Variants in SYT5 observed in about 807,000 individuals in gnomAD.
SYT5 encodes the protein synaptotagmin 5, also known as synaptotagmin-5.
Under a neutral mutation model 36.0 loss-of-function variants are expected in SYT5, and 29 were observed. The observed-to-expected ratio is 0.81, with a 90% CI of 0.60 to 1.10. The LOEUF (loss-of-function observed/expected upper bound fraction) is 1.10, where lower values mean the gene tolerates loss of function less well. SYT5 is among the 50% of genes least tolerant of loss of function. The pLI is 0.00. For missense variants in SYT5, 512 were observed against 516.0 expected (o/e 0.99, Z 0.08); for synonymous variants, 231 against 227.6 (o/e 1.02, Z -0.14).
chr19:55,174,401 C>T (rs2086046264), intron 8 of SYT5, 116 bp downstream of exon 8: 2 of 1,373,420 alleles, frequency 1.5e-6, no homozygotes, highest in Non-Finnish European at 2.0e-6. Context: ...AGACTGAGAG[C>T]ATAACCTCAG....
chr19:55,173,306 G>C lies in SYT5; in HGVS notation c.*178C>G. ...CGGGGGAGTGTGCTGGAAAGTTGTC[G>C]TGATTGGCATCGTTGGGGGTGAGAA... On this transcript the variant is annotated 3_prime_UTR_variant, in exon 9 of 9. Transcript: ENST00000354308. The surrounding 1 kb of genome is among the most constrained non-coding windows in gnomAD (Gnocchi z 5.4). 2.1e-6 allele frequency: 1 copy of C among 486,132 alleles called. No homozygotes were observed. The highest frequency in any genetic ancestry group is 3.3e-6 in the Non-Finnish European group (1 of 302,678). The allele number at this position is 486,132 out of a possible 1,614,324, so 30.1% of individuals were successfully genotyped here.
chr19:55,176,115 CTGGCTG>C lies in SYT5; in HGVS notation c.256_261del (p.Gln86_Pro87del). On this transcript the variant is annotated inframe_deletion, in exon 4 of 9. Coordinates refer to ENST00000354308, the MANE Select transcript of SYT5 (RefSeq NM_003180.3). ...GGTGCTGGCTCCAGCTCCTCTACTT[CTGGCTG>C]CACCTTAAGGAGCCAGGGGTAAGGG... 6.2e-7 allele frequency: 1 copy of C among 1,614,160 alleles called. No individual in the cohort carries two copies. The highest frequency in any genetic ancestry group is 8.5e-7 in the Non-Finnish European group (1 of 1,180,044).
Position 55,172,471 on chromosome 19 carries a change from A to G in SYT5, c.*1013T>C, listed in dbSNP as rs1276314994. 1 of 151,928 alleles carries G rather than the reference A, an allele frequency of 6.6e-6. No individual in the cohort carries two copies. The highest frequency in any genetic ancestry group is 1.5e-5 in the Non-Finnish European group (1 of 67,986). The allele number at this position is 151,928 out of a possible 1,614,324, so 9.4% of individuals were successfully genotyped here. A position where few individuals can be genotyped will look rare whatever the true frequency, so the allele number is the denominator to read the frequency against. On this transcript the variant is annotated 3_prime_UTR_variant, in exon 9 of 9. Coordinates refer to ENST00000354308, the MANE Select transcript of SYT5 (RefSeq NM_003180.3). ...AACAAACAAACAAAAAAAAAACAAG[A>G]GAAAAAGAAAGAAAAGGAAAGACAG... is the stretch of plus-strand genomic sequence containing the variant.
In SYT5 at chr19:55,173,877, T is replaced by C. The variant is rs1437987138; in HGVS notation, c.961-193A>G. On this transcript the variant is annotated intron_variant, in intron 8 of 8. Coordinates refer to ENST00000354308, the MANE Select transcript of SYT5 (RefSeq NM_003180.3). This position sits in a 1 kb window ranked among gnomAD's most constrained non-coding sequence, Gnocchi z 5.4. ...GCGGCGAGGAGGAGGCTCTGGCGCC[T>C]TTCTTCCTGCGCAGCCAGGTTTCTA... 17 of 487,816 alleles carry C rather than the reference T, an allele frequency of 3.5e-5. No homozygotes were observed. The highest frequency in any genetic ancestry group is 4.7e-5 in the Non-Finnish European group (14 of 299,392). The allele number at this position is 487,816 out of a possible 1,614,324, so 30.2% of individuals were successfully genotyped here. A position where few individuals can be genotyped will look rare whatever the true frequency, so the allele number is the denominator to read the frequency against.
In SYT5 at chr19:55,173,385, G is replaced by A; in HGVS notation, c.*99C>T. 1 of 1,036,372 alleles carries A rather than the reference G, an allele frequency of 9.6e-7. No individual in the cohort carries two copies. The highest frequency in any genetic ancestry group is 1.3e-6 in the Non-Finnish European group (1 of 787,394). The allele number at this position is 1,036,372 out of a possible 1,614,324, so 64.2% of individuals were successfully genotyped here. A position where few individuals can be genotyped will look rare whatever the true frequency, so the allele number is the denominator to read the frequency against. On this transcript the variant is annotated 3_prime_UTR_variant, in exon 9 of 9. Coordinates refer to ENST00000354308, the MANE Select transcript of SYT5 (RefSeq NM_003180.3). The surrounding 1 kb of genome is among the most constrained non-coding windows in gnomAD (Gnocchi z 5.4). ...GAAGGTGGGGGGAGGGTAACCGTCAGAGGAAGCTTAAGGGTGGGGCTGGCT... is the reference window on the plus strand; with the variant it reads ...GAAGGTGGGGGGAGGGTAACCGTCAAAGGAAGCTTAAGGGTGGGGCTGGCT...
At chr19:55,178,694 T>TA (rs1238143382) in intron 2 of SYT5, among the ~76,000 whole-genome samples, 1 of 149,762 alleles carries the variant, frequency 6.7e-6, no homozygotes, top group African/African-American at 2.5e-5. Flanking sequence ...AAAGAAGAGC[T>TA]AGGTGGACCT....
chr19:55,173,491 G>T lies in SYT5; in HGVS notation c.1154C>A (p.Ala385Glu). 2 of 1,360,420 alleles carry T rather than the reference G, an allele frequency of 1.5e-6. No individual in the cohort carries two copies. The highest frequency in any genetic ancestry group is 1.9e-6 in the Non-Finnish European group (2 of 1,056,370). The allele number at this position is 1,360,420 out of a possible 1,614,324, so 84.3% of individuals were successfully genotyped here. ...RPPDRVRLLP[A>E]P Reference sequence around the variant, plus strand: ...GGGGGCTTGGGGTGGGAGTCAGGGCGCAGGCAGCAGCCTCACTCGGTCCGG... The same window carrying T: ...GGGGGCTTGGGGTGGGAGTCAGGGCTCAGGCAGCAGCCTCACTCGGTCCGG... The change falls in exon 9 of 9, where the codon GCG (alanine) becomes GAG (glutamate). Residue 385 changes from alanine to glutamate, a missense_variant. Coordinates refer to ENST00000354308, the MANE Select transcript of SYT5 (RefSeq NM_003180.3). The surrounding 1 kb of genome is among the most constrained non-coding windows in gnomAD (Gnocchi z 5.4).
Position 55,179,265 on chromosome 19 carries a change from C to T in SYT5, c.-45-179G>A. 7.0e-7 allele frequency: 1 copy of T among 1,427,786 alleles called. No homozygotes were observed. The highest frequency in any genetic ancestry group is 9.1e-7 in the Non-Finnish European group (1 of 1,093,260). The allele number at this position is 1,427,786 out of a possible 1,614,324, so 88.4% of individuals were successfully genotyped here. On this transcript the variant is annotated intron_variant, in intron 1 of 8. Transcript: ENST00000354308. The surrounding 1 kb of genome is among the most constrained non-coding windows in gnomAD (Gnocchi z 4.5). ...AGAGGGGGTGTCCAGGACCTAGTTC[C>T]ATCCTAAAGGGATACCCTCTTCCTC...
chr19:55,178,272 G>A lies in SYT5; in HGVS notation c.176C>T (p.Thr59Ile), dbSNP rs145063347. Residue 59 changes from threonine to isoleucine, a missense_variant, in exon 3 of 9, where the codon ACA becomes ATA. Physicochemically the swap from Thr to Ile is moderately conservative, Grantham distance 89. Transcript: ENST00000354308. ...CLYRKSCRRR[T>I]GKKSQAQAQV... The stretch of plus-strand genomic sequence containing the variant: ...GGCTTGGGCCTGGCTCTTCTTGCCT[G>A]TCCGCCTCCGACAGCTCTTCCGGTA... The A allele has an allele frequency of 6.2e-7, 1 of 1,610,516 alleles. No individual in the cohort carries two copies. Among genetic ancestry groups the A allele is most frequent in the Non-Finnish European group, 8.5e-7 (1 of 1,178,684 alleles).
Position 55,175,666 on chromosome 19 carries a change from G to A in SYT5, c.540+43C>T. Reference sequence around the variant, plus strand: ...GTCGGTCCCTAGTGTTCCAGGGACTGGGCACAGGCTATGGAACACGGGGCC... The same window carrying A: ...GTCGGTCCCTAGTGTTCCAGGGACTAGGCACAGGCTATGGAACACGGGGCC... On this transcript the variant is annotated intron_variant, in intron 5 of 8. Coordinates refer to ENST00000354308, the MANE Select transcript of SYT5 (RefSeq NM_003180.3). The surrounding 1 kb of genome is among the most constrained non-coding windows in gnomAD (Gnocchi z 4.5). 6.2e-7 allele frequency: 1 copy of A among 1,604,070 alleles called. No homozygotes were observed. Among genetic ancestry groups the A allele is most frequent in the Non-Finnish European group, 8.5e-7 (1 of 1,174,454 alleles).
chr19:55,174,491 T>C, intron 8 of SYT5, 26 bp downstream of exon 8: 1 of 1,610,756 alleles, frequency 6.2e-7, no homozygotes, highest in Non-Finnish European at 8.5e-7. Context: ...GTCTGGGCTC[T>C]TGGAGAAGGG....
chr19:55,176,726 C>A (rs1477537401), intron 3 of SYT5, among the ~76,000 whole-genome samples: 1 of 152,102 alleles, frequency 6.6e-6, no homozygotes, highest in Non-Finnish European at 1.5e-5. Context: ...AACAAGTACC[C>A]AGTGTGATTC....
In SYT5 at chr19:55,174,848, C is replaced by G. The variant is rs1048834920; in HGVS notation, c.826+34G>C. 3 of 1,597,626 alleles carry G rather than the reference C, an allele frequency of 1.9e-6. No homozygotes were observed. The African/African-American group carries it at 4.0e-5, about 21-fold the overall frequency. On this transcript the variant is annotated intron_variant, in intron 7 of 8. Transcript: ENST00000354308. The stretch of plus-strand genomic sequence containing the variant: ...AGAACGAGAACCCACCCCACGCCAT[C>G]CCCACACACCCCACTCCCTTGCTTC...
chr19:55,173,649 G>T lies in SYT5; in HGVS notation c.996C>A (p.Asp332Glu). 1 of 1,482,458 alleles carries T rather than the reference G, an allele frequency of 6.7e-7. No individual in the cohort carries two copies. Among genetic ancestry groups the T allele is most frequent in the Non-Finnish European group, 8.9e-7 (1 of 1,117,686 alleles). 91.8% of individuals were successfully genotyped at this position (1,482,458 alleles called of 1,614,324 possible). Residue 332 changes from aspartate to glutamate, a missense_variant, in exon 9 of 9, where the codon GAC (aspartate) becomes GAA (glutamate). Physicochemically the swap from Asp to Glu is conservative, Grantham distance 45. Transcript: ENST00000354308. The surrounding 1 kb of genome is among the most constrained non-coding windows in gnomAD (Gnocchi z 5.4). ...VQVELTVLDY[D>E]KLGKNEAIGR... ...CGATGGCCTCGTTCTTGCCCAGCTT[G>T]TCGTAGTCCAGCACGGTCAGCTCCA...
In SYT5 at chr19:55,178,981, G is replaced by C. The variant is rs768104737; in HGVS notation, c.61C>G (p.Arg21Gly). Residue 21 changes from arginine to glycine, a missense_variant, in exon 2 of 9, where the codon CGC (arginine) becomes GGC (glycine). Arg to Gly is a moderately radical substitution (Grantham distance 125, BLOSUM62 -2). Transcript: ENST00000354308. ...PSPDTPPDSS[R>G]ISHGPVPPWA... ...TGCTCACCTGGGCCGTGGCTGATGC[G>C]ACTGGAGTCGGGAGGCGTGTCGGGC... 8 of 1,573,552 alleles carry C rather than the reference G, an allele frequency of 5.1e-6. No homozygotes were observed. In the African/African-American group the frequency reaches 9.6e-5, roughly 19 times the overall value.
At chr19:55,176,407 A>C (rs2147331849) in intron 3 of SYT5, 1 of 473,872 alleles carries the variant, frequency 2.1e-6, no homozygotes, top group South Asian at 2.6e-5. Context: ...ATAGTGTCCC[A>C]TTGCCCACAG....
rs537732381 is a variant in SYT5 at position 55,178,362 on chromosome 19, G to C, written c.86C>G (p.Pro29Arg). 1.1e-5 allele frequency: 18 copies of C among 1,610,230 alleles called. No individual in the cohort carries two copies. Among genetic ancestry groups the C allele is most frequent in the South Asian group, 3.3e-5 (3 of 89,842 alleles). The change falls in exon 3 of 9, where the codon CCC becomes CGC. Residue 29 changes from proline to arginine, a missense_variant. Coordinates refer to ENST00000354308, the MANE Select transcript of SYT5 (RefSeq NM_003180.3). Reference sequence around the variant, plus strand: ...CAGCACGATGGTGGCCAGGGCCCAGGGGGGCACTGCAGAGGGGTGGAGACA... The same window carrying C: ...CAGCACGATGGTGGCCAGGGCCCAGCGGGGCACTGCAGAGGGGTGGAGACA... ...SSRISHGPVP[P>R]WALATIVLVS...
Position 55,175,171 on chromosome 19 carries a change from C to T in SYT5, c.708+1G>A, listed in dbSNP as rs1280050930. 2 of 1,595,676 alleles carry T rather than the reference C, an allele frequency of 1.3e-6. No individual in the cohort carries two copies. The highest frequency in any genetic ancestry group is 1.7e-6 in the Non-Finnish European group (2 of 1,173,416). ...CTCGGGGCGCGACCGCGCATGCTCA[C>T]CTCCTCCCGCGGAGCCGCCTGCAGC... On this transcript the variant is annotated splice_donor_variant, in intron 6 of 8. Coordinates refer to ENST00000354308, the MANE Select transcript of SYT5 (RefSeq NM_003180.3). LOFTEE classifies it high-confidence loss of function. The surrounding 1 kb of genome is among the most constrained non-coding windows in gnomAD (Gnocchi z 4.5).
In SYT5 at chr19:55,175,154, G is replaced by A; in HGVS notation, c.708+18C>T. 1 of 1,582,098 alleles carries A rather than the reference G, an allele frequency of 6.3e-7. No individual in the cohort carries two copies. The highest frequency in any genetic ancestry group is 8.6e-7 in the Non-Finnish European group (1 of 1,168,382). On this transcript the variant is annotated intron_variant, in intron 6 of 8. Coordinates refer to ENST00000354308, the MANE Select transcript of SYT5 (RefSeq NM_003180.3). The surrounding 1 kb of genome is among the most constrained non-coding windows in gnomAD (Gnocchi z 4.5). ...TGGGCCTGGGGGCGTGGCTCGGGGC[G>A]CGACCGCGCATGCTCACCTCCTCCC...
Sources: allele counts gnomAD v4.1 joint callset (sites outside exome capture counted in the v4.1 genomes callset), GRCh38; gene constraint gnomAD v4.1.1; non-coding constraint Gnocchi (gnomAD v3.1); transcripts MANE v1.5; gene names NCBI Gene and HGNC (gene_info 2026-07-23, HGNC 2026-07-21).